The following MPRIP variants were observed in gnomAD, a reference collection of about 807,000 sequenced individuals.
The protein encoded by MPRIP is myosin phosphatase Rho-interacting protein.
In MPRIP, 59 loss-of-function variants were observed where a neutral mutation model predicts 234.9. The ratio of observed to expected loss-of-function variants is 0.25; its 90% CI spans 0.20 to 0.31. The LOEUF is 0.31. Ranked by LOEUF, MPRIP falls within the 10% of genes least tolerant of loss-of-function variation. MPRIP has a pLI of 1.00. For missense variants in MPRIP, 2,436 were observed against 3,071.0 expected, an observed-to-expected ratio of 0.79 and a Z score of 4.89; for synonymous variants, 1,144 against 1,263.9, an observed-to-expected ratio of 0.91 and a Z score of 2.01.
rs2046169550 is a variant in MPRIP, at chr17:17,172,745, C to G, written c.6520C>G (p.Leu2174Val). 1 of 1,612,118 alleles carries G rather than the reference C, an allele frequency of 6.2e-7. No homozygotes were observed. Among genetic ancestry groups the G allele is most frequent in the African/African-American group, 1.3e-5 (1 of 75,012 alleles). ...CCACCGGGAGGAAATGGAGCGGGAG[C>G]TGGAGAAGAGCCAGCGGTCCCAGAT... ...NAHREEMERE[L>V]EKSQRSQISS... Residue 2174 changes from leucine (L) to valine (V), a missense_variant, in exon 18 of 24, where the codon CTG becomes GTG. This residue lies in a region of MPRIP where 1,998 missense variants were observed against 2,520.3 expected (regional missense o/e 0.79). Transcript: ENST00000651222.
At chr17:17,116,072 T>A (rs746162178) in intron 3 of MPRIP, among the ~76,000 whole-genome samples, 35 of 152,106 alleles carry the variant, frequency 2.3e-4, no homozygotes, top group Non-Finnish European at 4.4e-4. Context: ...TATATTATAA[T>A]TAAATCTATA....
rs116929184 is a variant in MPRIP at position 17,048,337 on chromosome 17, G to A, written c.123+5366G>A. On this transcript the variant is annotated intron_variant, in intron 1 of 23. Transcript: ENST00000651222. ...GGTGGGAATTTCAGACATAGAGGGT[G>A]TGGGCCAGGACGAGGTCTCAGGGAA... Among the ~76,000 whole-genome samples the A allele has an allele frequency of 8.1e-4, 124 of 152,296 alleles. 6 individuals are homozygous for A. In the East Asian group the frequency reaches 0.024, roughly 29 times the overall value.
In MPRIP at chr17:17,166,949, GA is replaced by G; in HGVS notation, c.5360del (p.Lys1787ArgfsTer7). 1.5e-6 allele frequency: 2 copies of G among 1,304,248 alleles called. No individual in the cohort carries two copies. The highest frequency in any genetic ancestry group is 2.0e-6 in the Non-Finnish European group (2 of 988,958). The allele number at this position is 1,304,248 out of a possible 1,614,324, so 80.8% of individuals were successfully genotyped here. On this transcript the variant is annotated frameshift_variant, in exon 16 of 24. Coordinates refer to ENST00000651222, the MANE Select transcript of MPRIP (RefSeq NM_001364716.4). LOFTEE classifies it high-confidence loss of function. The surrounding 1 kb of genome is among the most constrained non-coding windows in gnomAD (Gnocchi z 4.4). ...TTCAGGAGGAGCTTGCCCAGCAGCTGAAGGAGAAGGCCAGCCTCTTAGAGGA... is the reference window on the plus strand; with the variant it reads ...TTCAGGAGGAGCTTGCCCAGCAGCTGAGGAGAAGGCCAGCCTCTTAGAGGA... ...AIQEELAQQLKEKASLLEEIA... is the reference protein window; with the variant it reads ...AIQEELAQQLXEKASLLEEIA...
At chr17:17,086,759 T>C (rs1467607534) in intron 3 of MPRIP, among the ~76,000 whole-genome samples, 2 of 152,202 alleles carry the variant, frequency 1.3e-5, no homozygotes, top group African/African-American at 2.4e-5. Context: ...CCACTTTTTT[T>C]CCCTGAAGTG....
intron 3 of MPRIP, among the ~76,000 whole-genome samples, chr17:17,125,987 T>C (rs1248415340): frequency 6.6e-6 from 1 of 152,028 alleles, no homozygotes; most frequent in Non-Finnish European, 1.5e-5. Flanking sequence ...GGCCAGAGGG[T>C]ACAGGGCTAA....
intron 13 of MPRIP, among the ~76,000 whole-genome samples, chr17:17,157,242 T>C (rs1477235893): frequency 1.3e-5 from 2 of 152,234 alleles, no homozygotes; most frequent in Non-Finnish European, 1.5e-5. Context: ...TTCTAGCAGA[T>C]GGGGACTAGA....
chr17:17,109,405 A>G (rs73277644), intron 3 of MPRIP, among the ~76,000 whole-genome samples: 10,781 of 152,294 alleles, frequency 0.071, 441 homozygotes, highest in African/African-American at 0.1. Flanking sequence ...ATGCCTGTGT[A>G]CTGGGATTCA....
chr17:17,144,934 G>A (rs190382554), intron 9 of MPRIP, among the ~76,000 whole-genome samples: 2 of 152,370 alleles, frequency 1.3e-5, no homozygotes, highest in South Asian at 2.1e-4. Flanking sequence ...GTCCTGTGCC[G>A]CAATGGCAAC....
chr17:17,167,483 C>T lies in MPRIP; in HGVS notation c.5892C>T (p.Ser1964=). Residue 1964 remains serine (S), a synonymous_variant, in exon 16 of 24, where the codon AGC becomes AGT. Coordinates refer to ENST00000651222, the MANE Select transcript of MPRIP (RefSeq NM_001364716.4). This position sits in a 1 kb window ranked among gnomAD's most constrained non-coding sequence, Gnocchi z 5.9. ...CVVEQLTRTE[S]TLQAERSRVL... ...TGGAGCAGCTGACCAGGACCGAGAG[C>T]ACACTGCAGGCTGAGCGCAGCCGGG... 7.7e-7 allele frequency: 1 copy of T among 1,304,190 alleles called. No homozygotes were observed. The highest frequency in any genetic ancestry group is 1.0e-6 in the Non-Finnish European group (1 of 988,954). The allele number at this position is 1,304,190 out of a possible 1,614,324, so 80.8% of individuals were successfully genotyped here. A position where few individuals can be genotyped will look rare whatever the true frequency, so the allele number is the denominator to read the frequency against.
rs780170861 is a variant in MPRIP, at chr17:17,175,305, C to T, written c.6763C>T (p.Arg2255Cys). The stretch of plus-strand genomic sequence containing the variant: ...TGCTGTCCCCCAGGAGCTGAACAAC[C>T]GCCTGGCTGCAGAGATCACACGGTT... ...LNAHNQELNN[R>C]LAAEITRLRT... is the part of the protein sequence containing the mutation. The change falls in exon 20 of 24, where the codon CGC (arginine) becomes TGC (cysteine). Residue 2255 changes from arginine (R) to cysteine (C), a missense_variant. By Grantham distance (180) the Arg-to-Cys change is radical (BLOSUM62 -3). Transcript: ENST00000651222. 7.4e-6 allele frequency: 12 copies of T among 1,613,492 alleles called. No homozygotes were observed. The highest frequency in any genetic ancestry group is 1.7e-5 in the Admixed American group (1 of 60,024).
intron 1 of MPRIP, among the ~76,000 whole-genome samples, chr17:17,058,274 G>A (rs1473137593): frequency 2.0e-5 from 3 of 152,194 alleles, no homozygotes; most frequent in Admixed American, 6.5e-5. Context: ...GACCTGGGGA[G>A]AGGATTCTAG....
At chr17:17,105,517 C>T (rs1277773808) in intron 3 of MPRIP, among the ~76,000 whole-genome samples, 2 of 152,240 alleles carry the variant, frequency 1.3e-5, no homozygotes, top group African/African-American at 2.4e-5. Flanking sequence ...TCCCTGTTCA[C>T]CTTGTCTTGG....
chr17:17,100,431 GGT>G (rs143235971), intron 3 of MPRIP, among the ~76,000 whole-genome samples: 8 of 151,666 alleles, frequency 5.3e-5, no homozygotes, highest in African/African-American at 1.9e-4. Context: ...TACATGAATT[GGT>G]GTGTGTGTGT....
At chr17:17,056,664 G>A (rs1448946692) in intron 1 of MPRIP, among the ~76,000 whole-genome samples, 1 of 151,924 alleles carries the variant, frequency 6.6e-6, no homozygotes, top group Non-Finnish European at 1.5e-5. Flanking sequence ...AACCATTTTA[G>A]CATGTACAAT....
rs180962783 is a variant in MPRIP, at chr17:17,100,321, A to C, written c.267+22245A>C. ...CCAGTGAGTCCAGGGTACAGAGGCCAGACTCACAGCTCATTTCAAGCTGGG... is the reference window on the plus strand; with the variant it reads ...CCAGTGAGTCCAGGGTACAGAGGCCCGACTCACAGCTCATTTCAAGCTGGG... On this transcript the variant is annotated intron_variant, in intron 3 of 23. Coordinates refer to ENST00000651222, the MANE Select transcript of MPRIP (RefSeq NM_001364716.4). Among the ~76,000 whole-genome samples the C allele has an allele frequency of 3.0e-3, 452 of 152,362 alleles. 1 individual carries two copies. The highest frequency in any genetic ancestry group is 8.9e-3 in the African/African-American group (371 of 41,586).
chr17:17,140,224 C>T (rs945209510), intron 7 of MPRIP, among the ~76,000 whole-genome samples: 10 of 152,138 alleles, frequency 6.6e-5, no homozygotes, highest in Non-Finnish European at 1.5e-4. Context: ...AGCGCCAGAC[C>T]ACAGAATTAG....
chr17:17,059,330 AG>A (rs1318289659), intron 1 of MPRIP, among the ~76,000 whole-genome samples: 3 of 152,140 alleles, frequency 2.0e-5, no homozygotes, highest in Non-Finnish European at 4.4e-5. Flanking sequence ...GAGGAGGCAA[AG>A]GATGTTTTAG....
intron 1 of MPRIP, 83 bp downstream of exon 1, chr17:17,043,054 A>G: frequency 1.5e-6 from 2 of 1,363,300 alleles, no homozygotes; most frequent in African/African-American, 1.5e-5. Context: ...GCTGCAGGGA[A>G]AATAAAAATG....
chr17:17,077,891 G>T, intron 2 of MPRIP, 120 bp from the exon 3 acceptor site: 1 of 928,864 alleles, frequency 1.1e-6, no homozygotes, highest in South Asian at 1.4e-5. Context: ...TGCCCCAGAA[G>T]TGGAATCTGT....
Sources: allele counts gnomAD v4.1 joint callset (sites outside exome capture counted in the v4.1 genomes callset), GRCh38; gene constraint gnomAD v4.1.1; regional missense constraint gnomAD v4.1.1; non-coding constraint Gnocchi (gnomAD v3.1); transcripts MANE v1.5; gene names NCBI Gene and HGNC (gene_info 2026-07-23, HGNC 2026-07-21).